CSNK2A1: variants seen among roughly 807,000 people sequenced by gnomAD.
The protein encoded by CSNK2A1 is casein kinase 2 alpha 1.
A neutral mutation model predicts 62.9 loss-of-function variants in CSNK2A1; 10 were observed. The ratio of observed to expected loss-of-function variants is 0.16; its 90% CI spans 0.10 to 0.27. The LOEUF (loss-of-function observed/expected upper bound fraction) is 0.27. Among genes scored for constraint, CSNK2A1 ranks in the 10% least tolerant of loss-of-function variants. CSNK2A1 has a pLI of 1.00. For missense variants in CSNK2A1, 160 were observed against 492.0 expected, an observed-to-expected ratio of 0.33 and a Z score of 6.38; for synonymous variants, 124 against 167.8, an observed-to-expected ratio of 0.74 and a Z score of 2.02.
intron 2 of CSNK2A1, among the ~76,000 whole-genome samples, chr20:524,862 T>C (rs1276511973): frequency 6.6e-6 from 1 of 151,458 alleles, no homozygotes; most frequent in East Asian, 2.0e-4. Flanking sequence ...AGCTCAGGGG[T>C]CCCTGCACTT....
intron 1 of CSNK2A1, among the ~76,000 whole-genome samples, chr20:542,512 C>A (rs1174222628): frequency 2.0e-5 from 3 of 152,166 alleles, no homozygotes; most frequent in African/African-American, 7.2e-5. Context: ...AGCTCACTGC[C>A]ACCTCCGCCT....
intron 1 of CSNK2A1, among the ~76,000 whole-genome samples, chr20:532,770 C>T (rs1224427197): frequency 1.3e-5 from 2 of 152,064 alleles, no homozygotes; most frequent in Admixed American, 6.5e-5. Context: ...TCAAGAGATA[C>T]GCAATCACCT....
chr20:532,320 T>G (rs1239135906), intron 1 of CSNK2A1, among the ~76,000 whole-genome samples: 3 of 148,468 alleles, frequency 2.0e-5, no homozygotes, highest in African/African-American at 7.6e-5. Context: ...AGCGCCACCA[T>G]GCCCGGCTAA....
At chr20:488,556 C>T in intron 11 of CSNK2A1, 122 bp downstream of exon 11, 2 of 953,802 alleles carry the variant, frequency 2.1e-6, no homozygotes, top group Non-Finnish European at 3.2e-6. Context: ...TCCTGTGGCA[C>T]TGGACCACTG....
intron 7 of CSNK2A1, among the ~76,000 whole-genome samples, chr20:497,161 A>G (rs2018361844): frequency 6.6e-6 from 1 of 151,956 alleles, no homozygotes; most frequent in Non-Finnish European, 1.5e-5. Flanking sequence ...ATTTTTATTT[A>G]TTTATGTATT....
intron 2 of CSNK2A1, among the ~76,000 whole-genome samples, chr20:516,303 A>T (rs2018827757): frequency 6.6e-6 from 1 of 152,224 alleles, no homozygotes; most frequent in Admixed American, 6.5e-5. Flanking sequence ...CGTCAGAATG[A>T]CTTTGAAGAC....
chr20:503,431 T>C, intron 4 of CSNK2A1: 1 of 398,498 alleles, frequency 2.5e-6, no homozygotes, highest in Non-Finnish European at 4.4e-6. Flanking sequence ...CAGATATAAA[T>C]ACTTAAACTC....
rs2017774178 is a variant in CSNK2A1, at chr20:472,568, G to C, written c.*11393C>G. 2 of 152,272 alleles carry C rather than the reference G, an allele frequency of 1.3e-5. No homozygotes were observed. Among genetic ancestry groups the C allele is most frequent in the Non-Finnish European group, 2.9e-5 (2 of 68,048 alleles). The allele number at this position is 152,272 out of a possible 1,614,324, so 9.4% of individuals were successfully genotyped here. The stretch of plus-strand genomic sequence containing the variant: ...AGAGAGTTAGCAGTCCCCTTAAGCT[G>C]GTGGCCCTCACATTTATTTAGCACA... On this transcript the variant is annotated 3_prime_UTR_variant, in exon 14 of 14. Coordinates refer to ENST00000217244, the MANE Select transcript of CSNK2A1 (RefSeq NM_177559.3).
At chr20:501,647 C>T (rs2018472691) in intron 4 of CSNK2A1, 2 of 152,144 alleles carry the variant, frequency 1.3e-5, no homozygotes, top group African/African-American at 4.8e-5. Flanking sequence ...TGCTTAACAG[C>T]CTCATGTGGC....
chr20:534,939 CAGG>C (rs1292942042), intron 1 of CSNK2A1, among the ~76,000 whole-genome samples: 4 of 140,068 alleles, frequency 2.9e-5, no homozygotes, highest in Admixed American at 7.7e-5. Context: ...GAGGCTGAGG[CAGG>C]AGAATTGCTT....
chr20:485,801 G>T (rs1325034086), intron 13 of CSNK2A1, among the ~76,000 whole-genome samples: 6 of 152,226 alleles, frequency 3.9e-5, no homozygotes. Flanking sequence ...TTCACTACCA[G>T]ATATGCACCC....
intron 4 of CSNK2A1, chr20:502,016 A>G (rs1414005485): frequency 6.6e-6 from 1 of 152,214 alleles, no homozygotes; most frequent in Non-Finnish European, 1.5e-5. Context: ...TTTTGGAAAC[A>G]TTGACAGTTC....
In CSNK2A1 at chr20:477,214, A is replaced by G. The variant is rs2017864360; in HGVS notation, c.*6747T>C. On this transcript the variant is annotated 3_prime_UTR_variant, in exon 14 of 14. Transcript: ENST00000217244. The stretch of plus-strand genomic sequence containing the variant: ...TCTGTGACTTTAAAAAAATCTTTTT[A>G]GACAGGGTCTTGCTCTGTCACTTGG... 1 of 152,226 alleles carries G rather than the reference A, an allele frequency of 6.6e-6. No homozygotes were observed. The highest frequency in any genetic ancestry group is 1.5e-5 in the Non-Finnish European group (1 of 68,062). 9.4% of individuals were successfully genotyped at this position (152,226 alleles called of 1,614,324 possible). A position where few individuals can be genotyped will look rare whatever the true frequency, so the allele number is the denominator to read the frequency against.
At chr20:532,565 G>C (rs1259021774) in intron 1 of CSNK2A1, among the ~76,000 whole-genome samples, 2 of 152,058 alleles carry the variant, frequency 1.3e-5, no homozygotes, top group Non-Finnish European at 2.9e-5. Context: ...CATTAGTTTG[G>C]ATGCTGTATC....
chr20:541,392 T>C (rs1007188403), intron 1 of CSNK2A1, among the ~76,000 whole-genome samples: 4 of 152,212 alleles, frequency 2.6e-5, no homozygotes, highest in Admixed American at 2.6e-4. Context: ...CCAAGTCCTA[T>C]GGAAGGGTTT....
chr20:492,438 A>T (rs1466455525), intron 8 of CSNK2A1, 74 bp from the exon 9 acceptor site: 2 of 1,427,870 alleles, frequency 1.4e-6, no homozygotes, highest in Non-Finnish European at 9.8e-7. Context: ...CATACTCTTG[A>T]TAAAATATAC....
At chr20:500,347 T>C (rs922088229) in intron 4 of CSNK2A1, 4 of 195,978 alleles carry the variant, frequency 2.0e-5, no homozygotes, top group African/African-American at 9.5e-5. Flanking sequence ...CTTCCTCTAA[T>C]TAGGGCCAAC....
At chr20:504,921 C>A in intron 4 of CSNK2A1, 197 bp downstream of exon 4, 1 of 544,346 alleles carries the variant, frequency 1.8e-6, no homozygotes, top group East Asian at 3.0e-5. Flanking sequence ...TGAGTCAACT[C>A]AAATCACTTC....
chr20:527,253 T>C (rs753130968), intron 2 of CSNK2A1, among the ~76,000 whole-genome samples: 1 of 152,156 alleles, frequency 6.6e-6, no homozygotes, highest in Non-Finnish European at 1.5e-5. Context: ...TGATACAAGA[T>C]CCCAGTCTGA....
Sources: allele counts gnomAD v4.1 joint callset (sites outside exome capture counted in the v4.1 genomes callset), GRCh38; gene constraint gnomAD v4.1.1; transcripts MANE v1.5; gene names NCBI Gene and HGNC (gene_info 2026-07-23, HGNC 2026-07-21).